LMBRD1: variants seen among roughly 807,000 people sequenced by gnomAD.
LMBRD1 encodes lysosomal cobalamin transport escort protein LMBD1.
Under a neutral mutation model 74.8 loss-of-function variants are expected in LMBRD1, and 64 were observed. That is an observed-to-expected ratio of 0.86 (90% CI 0.70 to 1.05). The LOEUF (loss-of-function observed/expected upper bound fraction) is 1.05, where lower values mean the gene tolerates loss of function less well. Ranked by LOEUF, LMBRD1 falls within the 50% of genes least tolerant of loss-of-function variation. The pLI is 0.00. For missense variants in LMBRD1, 652 were observed against 645.9 expected, an observed-to-expected ratio of 1.01 and a Z score of -0.10; for synonymous variants, 204 against 216.3, an observed-to-expected ratio of 0.94 and a Z score of 0.50.
intron 14 of LMBRD1, among the ~76,000 whole-genome samples, chr6:69,680,429 C>T (rs1485017457): frequency 5.9e-5 from 9 of 152,066 alleles, no homozygotes; most frequent in Non-Finnish European, 1.0e-4. Context: ...AAAACAGAGG[C>T]TGAGCTGGCA....
chr6:69,737,695 A>G (rs373623815), intron 7 of LMBRD1, among the ~76,000 whole-genome samples: 2 of 151,418 alleles, frequency 1.3e-5, no homozygotes, highest in Non-Finnish European at 3.0e-5. Flanking sequence ...ATAGATTATT[A>G]TAACAGTATA....
intron 13 of LMBRD1, among the ~76,000 whole-genome samples, chr6:69,697,872 T>C (rs1411811159): frequency 2.6e-5 from 4 of 152,088 alleles, no homozygotes; most frequent in African/African-American, 7.2e-5. Flanking sequence ...ACATGGCTTC[T>C]TCCCAGAACA....
In LMBRD1 at chr6:69,779,248, T is replaced by C. The variant is rs113840839; in HGVS notation, c.307+1246A>G. 3.3e-3 allele frequency among the ~76,000 whole-genome samples: 498 copies of C among 151,672 alleles called. 3 individuals carry two copies. Among genetic ancestry groups the C allele is most frequent in the African/African-American group, 0.011 (467 of 41,074 alleles). On this transcript the variant is annotated intron_variant, in intron 3 of 15. Transcript: ENST00000649934. Reference sequence around the variant, plus strand: ...CATATCCCATCCATAGAAACTTTTGTAGATTTTTTTCAGTTTCCCATTTAA... The same window carrying C: ...CATATCCCATCCATAGAAACTTTTGCAGATTTTTTTCAGTTTCCCATTTAA...
chr6:69,680,785 T>C (rs1399425432), intron 14 of LMBRD1, among the ~76,000 whole-genome samples: 1 of 152,112 alleles, frequency 6.6e-6, no homozygotes, highest in East Asian at 1.9e-4. Context: ...AAATTTTTGC[T>C]AATAAGATGC....
At chr6:69,737,857 A>C in intron 7 of LMBRD1, 85 bp downstream of exon 7, 1 of 911,414 alleles carries the variant, frequency 1.1e-6, no homozygotes, top group South Asian at 1.5e-5. Context: ...TTATAAAGGA[A>C]AACAGAATAA....
At chr6:69,724,250 A>C (rs1182787765) in intron 7 of LMBRD1, among the ~76,000 whole-genome samples, 3 of 151,010 alleles carry the variant, frequency 2.0e-5, no homozygotes, top group Non-Finnish European at 4.4e-5. Flanking sequence ...ATGAAGAACT[A>C]ATATCAGTCC....
intron 6 of LMBRD1, 63 bp downstream of exon 6, chr6:69,741,726 C>T (rs1767106384): frequency 2.0e-6 from 2 of 1,017,638 alleles, no homozygotes; most frequent in Non-Finnish European, 3.1e-6. Context: ...TAAACTGCTT[C>T]TCAAAAGTCC....
intron 9 of LMBRD1, among the ~76,000 whole-genome samples, chr6:69,708,385 GA>G (rs1766308235): frequency 6.6e-6 from 1 of 152,104 alleles, no homozygotes; most frequent in South Asian, 2.1e-4. Flanking sequence ...GCAATTTTCT[GA>G]GCTGTTTACA....
At chr6:69,765,947 T>A (rs545848883) in intron 3 of LMBRD1, among the ~76,000 whole-genome samples, 1 of 152,128 alleles carries the variant, frequency 6.6e-6, no homozygotes, top group South Asian at 2.1e-4. Flanking sequence ...AATCTTATAC[T>A]TGTGATTCTG....
intron 3 of LMBRD1, among the ~76,000 whole-genome samples, chr6:69,772,941 T>C (rs1765605866): frequency 6.6e-6 from 1 of 152,166 alleles, no homozygotes; most frequent in African/African-American, 2.4e-5. Flanking sequence ...ATAACACCTA[T>C]TTAGCACTAA....
rs766004725 is a variant in LMBRD1, at chr6:69,796,884, T to G, written c.-3A>C. The G allele has an allele frequency of 1.2e-6, 2 of 1,611,326 alleles. No individual in the cohort carries two copies. The highest frequency in any genetic ancestry group is 1.1e-5 in the South Asian group (1 of 91,020). ...GAGGCCGCGCCAGAAGTCGCCATCT[T>G]CGCTTCCGGTCCAGACCAACCTGAG... On this transcript the variant is annotated 5_prime_UTR_variant, in exon 1 of 16. Transcript: ENST00000649934.
At chr6:69,771,147 A>C (rs1178718812) in intron 3 of LMBRD1, among the ~76,000 whole-genome samples, 1 of 152,224 alleles carries the variant, frequency 6.6e-6, no homozygotes, top group Non-Finnish European at 1.5e-5. Flanking sequence ...CAAGAATATG[A>C]GCACAGTTTA....
chr6:69,787,003 T>C lies in LMBRD1; in HGVS notation c.246+3293A>G, dbSNP rs565494857. On this transcript the variant is annotated intron_variant, in intron 2 of 15. Transcript: ENST00000649934. The stretch of plus-strand genomic sequence containing the variant: ...CAAATGCACACTGTAAATATTATTA[T>C]ACATTAGCATTCATCATGGAAAACA... Among the ~76,000 whole-genome samples, 3 of 152,360 alleles carry C rather than the reference T, an allele frequency of 2.0e-5. No homozygotes were observed. The East Asian group carries it at 5.8e-4, about 29-fold the overall frequency.
intron 3 of LMBRD1, among the ~76,000 whole-genome samples, chr6:69,755,023 G>A (rs527330057): frequency 5.3e-5 from 8 of 152,142 alleles, no homozygotes; most frequent in Non-Finnish European, 8.8e-5. Flanking sequence ...ACAGTGTGGC[G>A]ATTCCTCAAG....
At position 69,790,343 on chromosome 6, in the gene LMBRD1, C is replaced by G. The variant is rs759477276; in HGVS notation, c.199G>C (p.Asp67His). The change falls in exon 2 of 16, where the codon GAT (aspartate) becomes CAT (histidine). Residue 67 changes from aspartate (D) to histidine (H), a missense_variant. Physicochemically the swap from Asp to His is moderately conservative, Grantham distance 81. This residue lies in a region of LMBRD1 where 598 missense variants were observed against 581.8 expected (regional missense o/e 1.03). Coordinates refer to ENST00000649934, the MANE Select transcript of LMBRD1 (RefSeq NM_018368.4). Reference protein sequence around the residue: ...ALITSALLPVDIFLVSYMKNQ... With the variant: ...ALITSALLPVHIFLVSYMKNQ... ...TTCATGTAAGAAACCAAAAATATATCCACTGGTAGAAGTGCTGATGTGATA... is the reference window on the plus strand; with the variant it reads ...TTCATGTAAGAAACCAAAAATATATGCACTGGTAGAAGTGCTGATGTGATA... 2 of 1,613,234 alleles carry G rather than the reference C, an allele frequency of 1.2e-6. No individual in the cohort carries two copies. The highest frequency in any genetic ancestry group is 2.2e-5 in the South Asian group (2 of 91,066).
chr6:69,774,309 G>A (rs985335396), intron 3 of LMBRD1, among the ~76,000 whole-genome samples: 18 of 152,192 alleles, frequency 1.2e-4, no homozygotes, highest in Admixed American at 3.3e-4. Context: ...GTGGAACTGT[G>A]AGCCCATTAA....
chr6:69,760,592 T>C (rs1383464211), intron 3 of LMBRD1, among the ~76,000 whole-genome samples: 2 of 152,228 alleles, frequency 1.3e-5, no homozygotes, highest in Non-Finnish European at 2.9e-5. Flanking sequence ...ACTGCTGTGG[T>C]AGGCAGCTTC....
At chr6:69,695,470 T>C (rs1021317170) in intron 14 of LMBRD1, among the ~76,000 whole-genome samples, 2 of 152,090 alleles carry the variant, frequency 1.3e-5, no homozygotes, top group African/African-American at 2.4e-5. Flanking sequence ...CCCTGAGGGA[T>C]TGGTTCCAGG....
chr6:69,690,332 C>T (rs905336765), intron 14 of LMBRD1, among the ~76,000 whole-genome samples: 2 of 152,010 alleles, frequency 1.3e-5, no homozygotes, highest in East Asian at 1.9e-4. Context: ...GTTTAATGAA[C>T]GACTCAAACA....
Sources: gnomAD v4.1 joint callset for allele counts (sites outside exome capture counted in the v4.1 genomes callset) on GRCh38, gnomAD v4.1.1 for gene constraint, gnomAD v4.1.1 regional missense constraint, MANE v1.5 for transcripts, NCBI Gene and HGNC (gene_info 2026-07-23, HGNC 2026-07-21) for gene names.